Variants in GPAT3 observed in about 807,000 individuals in gnomAD.
The protein encoded by GPAT3 is 1-AGP acyltransferase 9.
In GPAT3, 53 loss-of-function variants were observed where a neutral mutation model predicts 58.8. The ratio of observed to expected loss-of-function variants is 0.90; its 90% CI spans 0.72 to 1.13. The LOEUF (loss-of-function observed/expected upper bound fraction) is 1.13, where lower values mean the gene tolerates loss of function less well. Among genes scored for constraint, GPAT3 ranks in the 50% most tolerant of loss-of-function variants. GPAT3 has a pLI of 0.00. For synonymous variants in GPAT3, 197 were observed against 187.4 expected (o/e 1.05, Z -0.42); for missense variants, 511 against 527.6 (o/e 0.97, Z 0.31).
chr4:83,563,286 A>G (rs1226849664), intron 2 of GPAT3, among the ~76,000 whole-genome samples: 1 of 152,174 alleles, frequency 6.6e-6, no homozygotes, highest in Non-Finnish European at 1.5e-5. Flanking sequence ...TGCATAAGTA[A>G]TAAACTCACA....
chr4:83,536,751 G>A lies in GPAT3; in HGVS notation c.129G>A (p.Val43=), dbSNP rs1724109389. Residue 43 remains valine (V), a synonymous_variant, in exon 1 of 12, where the codon GTG becomes GTA. Transcript: ENST00000264409. The part of the protein sequence containing the change: ...GISEIYMKIL[V]KTLEWATIRI... ...CCGAGATCTACATGAAGATCCTAGT[G>A]AAAACTTTAGAGGTGAGTGCCGGGA... The A allele has an allele frequency of 6.2e-7, 1 of 1,611,522 alleles. No homozygotes were observed. The highest frequency in any genetic ancestry group is 8.5e-7 in the Non-Finnish European group (1 of 1,179,488).
intron 10 of GPAT3, 148 bp from the exon 11 acceptor site, chr4:83,598,496 A>G (rs1726932735): frequency 2.5e-6 from 2 of 811,640 alleles, no homozygotes; most frequent in South Asian, 3.2e-5. Context: ...TATAGAACAA[A>G]TGATATTTGC....
At chr4:83,587,227 T>C (rs377734951) in intron 3 of GPAT3, 28 bp from the exon 4 acceptor site, 3 of 1,595,790 alleles carry the variant, frequency 1.9e-6, no homozygotes, top group Non-Finnish European at 2.6e-6. Flanking sequence ...TGTCAAAATC[T>C]TATATGGCCC....
At chr4:83,536,035 C>T (rs768956571), upstream of GPAT3, 56 of 985,324 alleles carry the variant, frequency 5.7e-5, no homozygotes, top group Non-Finnish European at 6.7e-5. Flanking sequence ...CAGGGAGCTC[C>T]CCCGTTGGGT....
chr4:83,549,596 A>G (rs1724675613), intron 2 of GPAT3, among the ~76,000 whole-genome samples: 1 of 150,058 alleles, frequency 6.7e-6, no homozygotes, highest in Non-Finnish European at 1.5e-5. Context: ...GCAGTGGGGC[A>G]ATCTTGGCTC....
chr4:83,583,820 CA>C (rs1726262393), intron 3 of GPAT3, among the ~76,000 whole-genome samples: 1 of 151,108 alleles, frequency 6.6e-6, no homozygotes, highest in South Asian at 2.1e-4. Context: ...ACTAAAAATA[CA>C]AAAATTAGCC....
In GPAT3 at chr4:83,598,172, C is replaced by T; in HGVS notation, c.1118C>T (p.Thr373Ile). The change falls in exon 10 of 12, where the codon ACC becomes ATC. Residue 373 changes from threonine (T) to isoleucine (I), a missense_variant. Thr to Ile is a moderately conservative substitution (Grantham distance 89). Coordinates refer to ENST00000264409, the MANE Select transcript of GPAT3 (RefSeq NM_032717.5). ...GACGTGTGGTACATGCCCCCCATGA[C>T]CAGAGAGGTATTCCTTAGCTAACAC... ...VCDVWYMPPM[T>I]REEGEDAVQF... The T allele has an allele frequency of 6.2e-7, 1 of 1,612,482 alleles. No individual in the cohort carries two copies. The highest frequency in any genetic ancestry group is 8.5e-7 in the Non-Finnish European group (1 of 1,179,544).
At chr4:83,550,015 G>A (rs1056659674) in intron 2 of GPAT3, among the ~76,000 whole-genome samples, 2 of 151,580 alleles carry the variant, frequency 1.3e-5, no homozygotes, top group African/African-American at 2.4e-5. Flanking sequence ...GAGCCACCAC[G>A]CCTAGCCCAT....
intron 2 of GPAT3, among the ~76,000 whole-genome samples, chr4:83,562,206 ATATATTAT>A (rs1725174149): frequency 3.1e-5 from 1 of 32,478 alleles, no homozygotes; most frequent in African/African-American, 2.3e-4. Context: ...TATAATATAT[ATATATTAT>A]ATATATATAT....
chr4:83,553,007 T>A (rs1240984124), intron 2 of GPAT3, among the ~76,000 whole-genome samples: 2 of 152,190 alleles, frequency 1.3e-5, no homozygotes, highest in South Asian at 2.1e-4. Context: ...GGCCCCCTGA[T>A]CTTGGACTTC....
Position 83,536,274 on chromosome 4 carries a change from C to T in GPAT3, c.-349C>T, listed in dbSNP as rs1560596519. 8.7e-6 allele frequency: 9 copies of T among 1,036,980 alleles called. No homozygotes were observed. Among genetic ancestry groups the T allele is most frequent in the South Asian group, 4.2e-5 (1 of 23,658 alleles). 64.2% of individuals were successfully genotyped at this position (1,036,980 alleles called of 1,614,324 possible). A position where few individuals can be genotyped will look rare whatever the true frequency, so the allele number is the denominator to read the frequency against. ...ATCAGGCACCGGGCGGGGCGGGTTCCTGGCTGCGCTCGCGCGCTCTGCCCG... is the reference window on the plus strand; with the variant it reads ...ATCAGGCACCGGGCGGGGCGGGTTCTTGGCTGCGCTCGCGCGCTCTGCCCG... On this transcript the variant is annotated 5_prime_UTR_variant, in exon 1 of 12. Coordinates refer to ENST00000264409, the MANE Select transcript of GPAT3 (RefSeq NM_032717.5).
chr4:83,588,281 C>T lies in GPAT3; in HGVS notation c.626C>T (p.Thr209Ile), dbSNP rs1210495347. Residue 209 changes from threonine to isoleucine, a missense_variant, in exon 5 of 12, where the codon ACC becomes ATC. Transcript: ENST00000264409. ...CRICVRALSG[T>I]IHYHNKQYRP... ...ATCTGTGTGCGAGCCCTCTCTGGTA[C>T]CATTCATTATCATAACAAGTGAGTA... is the stretch of plus-strand genomic sequence containing the variant. 6 of 1,609,536 alleles carry T rather than the reference C, an allele frequency of 3.7e-6. No individual in the cohort carries two copies.
chr4:83,577,096 C>A (rs1477409950), intron 2 of GPAT3, among the ~76,000 whole-genome samples: 1 of 152,152 alleles, frequency 6.6e-6, no homozygotes, highest in African/African-American at 2.4e-5. Context: ...ATTATTACTT[C>A]CCAAAGTATA....
chr4:83,568,363 T>G (rs999476829), intron 2 of GPAT3, among the ~76,000 whole-genome samples: 5 of 152,208 alleles, frequency 3.3e-5, no homozygotes, highest in African/African-American at 1.2e-4. Flanking sequence ...TTAAAGGTCA[T>G]CATAGTTGTG....
chr4:83,567,379 G>T (rs1464693631), intron 2 of GPAT3, among the ~76,000 whole-genome samples: 1 of 152,108 alleles, frequency 6.6e-6, no homozygotes, highest in Non-Finnish European at 1.5e-5. Flanking sequence ...TGCTTTTAAG[G>T]CATGTCTGAT....
intron 2 of GPAT3, among the ~76,000 whole-genome samples, chr4:83,579,067 TTTCTTTCTTTCTTCCCTTCC>T (rs1194218322): frequency 3.3e-5 from 1 of 30,462 alleles, no homozygotes; most frequent in African/African-American, 1.6e-4. Flanking sequence ...TCTTTCTTTC[TTTCTTTCTTTCTTCCCTTCC>T]TTCCTTCCTT....
intron 5 of GPAT3, 32 bp from the exon 6 acceptor site, chr4:83,590,167 G>A (rs1311320588): frequency 1.9e-6 from 3 of 1,588,894 alleles, no homozygotes; most frequent in East Asian, 2.2e-5. Context: ...TATTTTAGAA[G>A]ACTTCGAATT....
intron 2 of GPAT3, among the ~76,000 whole-genome samples, chr4:83,561,667 G>A (rs912116953): frequency 6.6e-6 from 1 of 152,048 alleles, no homozygotes; most frequent in Non-Finnish European, 1.5e-5. Context: ...CTGGCATACT[G>A]TACAAAAAGT....
intron 2 of GPAT3, among the ~76,000 whole-genome samples, chr4:83,550,537 C>T (rs926345319): frequency 3.3e-5 from 5 of 152,142 alleles, no homozygotes; most frequent in Admixed American, 2.6e-4. Flanking sequence ...TATCAACGCT[C>T]TCATTTTTTT....
Sources: gnomAD v4.1 joint callset for allele counts (sites outside exome capture counted in the v4.1 genomes callset) on GRCh38, gnomAD v4.1.1 for gene constraint, MANE v1.5 for transcripts, NCBI Gene and HGNC (gene_info 2026-07-23, HGNC 2026-07-21) for gene names.